Variants in TRAPPC9 observed in about 807,000 individuals in gnomAD.
TRAPPC9 encodes IKK2 binding protein.
TRAPPC9 carries 83 observed loss-of-function variants against 124.0 expected under a neutral mutation model. The observed-to-expected ratio is 0.67, with a 90% CI of 0.56 to 0.80. The LOEUF is 0.80. Among genes scored for constraint, TRAPPC9 ranks in the 30% least tolerant of loss-of-function variants. The probability of loss-of-function intolerance (pLI) is 0.00; values close to 1 mark genes in which losing one functional copy is unlikely to be tolerated. For synonymous variants in TRAPPC9, 638 were observed against 617.5 expected (o/e 1.03, Z -0.49); for missense variants, 1,302 against 1,508.3 (o/e 0.86, Z 2.27).
chr8:140,347,537 G>A (rs1351406287), intron 9 of TRAPPC9, among the ~76,000 whole-genome samples: 40 of 152,020 alleles, frequency 2.6e-4, no homozygotes, highest in Admixed American at 2.4e-3. Flanking sequence ...CAAGAATCCC[G>A]GGAAGTCATC....
chr8:140,088,099 T>C (rs897947430), intron 17 of TRAPPC9, among the ~76,000 whole-genome samples: 5 of 152,150 alleles, frequency 3.3e-5, no homozygotes, highest in Non-Finnish European at 1.5e-5. Flanking sequence ...CAAGCCTCCC[T>C]AGTCCTTCTG....
intron 18 of TRAPPC9, among the ~76,000 whole-genome samples, chr8:140,002,928 C>A (rs1325599100): frequency 7.5e-6 from 1 of 133,812 alleles, no homozygotes; most frequent in Non-Finnish European, 1.6e-5. Context: ...CAGGTAAATG[C>A]AAAACAAAAC....
intron 21 of TRAPPC9, among the ~76,000 whole-genome samples, chr8:139,740,123 A>G (rs1818457210): frequency 6.6e-6 from 1 of 152,254 alleles, no homozygotes; most frequent in Non-Finnish European, 1.5e-5. Context: ...TGACTTATGC[A>G]GGAGAACCTC....
At chr8:140,138,074 GT>G (rs1262876860) in intron 17 of TRAPPC9, among the ~76,000 whole-genome samples, 1 of 152,220 alleles carries the variant, frequency 6.6e-6, no homozygotes, top group Non-Finnish European at 1.5e-5. Flanking sequence ...GCAGAGATGG[GT>G]GAATCACTTA....
rs1245097797 is a variant in TRAPPC9, at chr8:140,008,037, TGCTCCTGCCGTGTGAAGGCTGGGTGCCA to T, written c.2699+15872_2699+15899del. On this transcript the variant is annotated intron_variant, in intron 18 of 22. Coordinates refer to ENST00000438773, the MANE Select transcript of TRAPPC9 (RefSeq NM_001160372.4). ...TGTCAGTCCAGATAGAATGTCAACC[TGCTCCTGCCGTGTGAAGGCTGGGTGCCA>T]GCTCCTGCCCTCCACAGAGCTATAA... Among the ~76,000 whole-genome samples, 4 of 152,326 alleles carry T rather than the reference TGCTCCTGCCGTGTGAAGGCTGGGTGCCA, an allele frequency of 2.6e-5. No homozygotes were observed. In the East Asian group the frequency reaches 7.7e-4, roughly 29 times the overall value.
At chr8:139,926,236 A>G (rs1832808736) in intron 19 of TRAPPC9, among the ~76,000 whole-genome samples, 1 of 152,224 alleles carries the variant, frequency 6.6e-6, no homozygotes, top group Admixed American at 6.5e-5. Context: ...CCATCCCAAT[A>G]GGGCCAGGCA....
chr8:140,122,238 C>G (rs942868810), intron 17 of TRAPPC9, among the ~76,000 whole-genome samples: 3 of 152,170 alleles, frequency 2.0e-5, no homozygotes, highest in African/African-American at 4.8e-5. Flanking sequence ...CCACCAACAA[C>G]TGAAGGGAGC....
chr8:140,001,080 C>T (rs754933553), intron 18 of TRAPPC9, among the ~76,000 whole-genome samples: 71 of 152,170 alleles, frequency 4.7e-4, no homozygotes, highest in African/African-American at 6.7e-4. Flanking sequence ...ATGTCCTTTT[C>T]GGGGACATGG....
rs1160322673 is a variant in TRAPPC9 at position 139,730,401 on chromosome 8, T to C, written c.*660A>G. The C allele has an allele frequency of 2.0e-5, 3 of 152,838 alleles. No homozygotes were observed. The highest frequency in any genetic ancestry group is 6.5e-5 in the Admixed American group (1 of 15,346). 9.5% of individuals were successfully genotyped at this position (152,838 alleles called of 1,614,324 possible). A position where few individuals can be genotyped will look rare whatever the true frequency, so the allele number is the denominator to read the frequency against. Reference sequence around the variant, plus strand: ...TTGCAGACATGGACACACACAGCCATGGTAACCAGACGCCACCCTGGGGCC... The same window carrying C: ...TTGCAGACATGGACACACACAGCCACGGTAACCAGACGCCACCCTGGGGCC... On this transcript the variant is annotated 3_prime_UTR_variant, in exon 23 of 23. Coordinates refer to ENST00000438773, the MANE Select transcript of TRAPPC9 (RefSeq NM_001160372.4).
intron 18 of TRAPPC9, among the ~76,000 whole-genome samples, chr8:140,017,415 G>GT (rs1839540912): frequency 1.3e-5 from 2 of 152,328 alleles, no homozygotes; most frequent in Admixed American, 1.3e-4. Flanking sequence ...TGATGTATGG[G>GT]TGAAGGGTTG....
intron 15 of TRAPPC9, among the ~76,000 whole-genome samples, chr8:140,265,155 C>T (rs577798564): frequency 6.8e-6 from 1 of 148,006 alleles, no homozygotes; most frequent in South Asian, 2.1e-4. Flanking sequence ...TCCACATACA[C>T]AGAAGCAGCA....
chr8:139,749,226 C>A (rs368097089), intron 21 of TRAPPC9, among the ~76,000 whole-genome samples: 1 of 152,262 alleles, frequency 6.6e-6, no homozygotes, highest in East Asian at 1.9e-4. Context: ...CTTCCTGAAG[C>A]ACATCCAGCC....
intron 17 of TRAPPC9, among the ~76,000 whole-genome samples, chr8:140,042,804 G>A (rs1841355041): frequency 6.6e-6 from 1 of 152,216 alleles, no homozygotes; most frequent in South Asian, 2.1e-4. Context: ...CTTCTAGTCT[G>A]TGGCCTTTGC....
chr8:140,057,699 T>A (rs1400370326), intron 17 of TRAPPC9, among the ~76,000 whole-genome samples: 3 of 152,212 alleles, frequency 2.0e-5, no homozygotes, highest in Non-Finnish European at 4.4e-5. Context: ...CGGACAGTTG[T>A]GTTCCATAGG....
At chr8:139,856,921 G>A (rs541599622) in intron 21 of TRAPPC9, among the ~76,000 whole-genome samples, 47 of 152,234 alleles carry the variant, frequency 3.1e-4, no homozygotes, top group African/African-American at 9.9e-4. Flanking sequence ...TGAACCTGAC[G>A]CTGCTGAGCA....
chr8:140,014,962 A>G (rs150415323), intron 18 of TRAPPC9, among the ~76,000 whole-genome samples: 158 of 151,886 alleles, frequency 1.0e-3, no homozygotes, highest in Non-Finnish European at 2.0e-3. Flanking sequence ...TTTAAAAAAT[A>G]CCAATAAGAA....
At chr8:139,838,930 T>A (rs60369905) in intron 21 of TRAPPC9, among the ~76,000 whole-genome samples, 23,268 of 152,146 alleles carry the variant, frequency 0.15, 2,158 homozygotes, top group African/African-American at 0.26. Context: ...CCAGGTCAGC[T>A]GATGTGCAGC....
intron 5 of TRAPPC9, among the ~76,000 whole-genome samples, chr8:140,421,457 G>A (rs1156931704): frequency 6.6e-6 from 1 of 152,028 alleles, no homozygotes; most frequent in Non-Finnish European, 1.5e-5. Flanking sequence ...AAATACCTTT[G>A]TATGTTTTTG....
intron 17 of TRAPPC9, among the ~76,000 whole-genome samples, chr8:140,199,263 G>T (rs540761984): frequency 6.6e-6 from 1 of 152,134 alleles, no homozygotes; most frequent in Admixed American, 6.6e-5. Flanking sequence ...AGGTCTCCTG[G>T]GGGGTGCTGA....
Sources: gnomAD v4.1 joint callset for allele counts (sites outside exome capture counted in the v4.1 genomes callset) on GRCh38, gnomAD v4.1.1 for gene constraint, MANE v1.5 for transcripts, NCBI Gene and HGNC (gene_info 2026-07-23, HGNC 2026-07-21) for gene names.